The following FHIT variants were observed in gnomAD, a reference collection of about 807,000 sequenced individuals.
The protein encoded by FHIT is fragile histidine triad diadenosine triphosphatase, also known as bis(5'-adenosyl)-triphosphatase.
FHIT carries 19 observed loss-of-function variants against 17.9 expected under a neutral mutation model. The ratio of observed to expected loss-of-function variants is 1.06; its 90% CI spans 0.74 to 1.56. The LOEUF (loss-of-function observed/expected upper bound fraction) is 1.56. Among genes scored for constraint, FHIT ranks in the 40% most tolerant of loss-of-function variants. FHIT has a pLI of 0.00. For synonymous variants in FHIT, 81 were observed against 69.7 expected, an observed-to-expected ratio of 1.16 and a Z score of -0.81; for missense variants, 248 against 189.2, an observed-to-expected ratio of 1.31 and a Z score of -1.82.
chr3:61,023,225 A>G (rs1402601935), intron 3 of FHIT, among the ~76,000 whole-genome samples: 1 of 152,232 alleles, frequency 6.6e-6, no homozygotes, highest in African/African-American at 2.4e-5. Flanking sequence ...CCAAATTATG[A>G]GTGAACTCCC....
chr3:60,870,394 A>G (rs782090729), intron 3 of FHIT, among the ~76,000 whole-genome samples: 1 of 152,156 alleles, frequency 6.6e-6, no homozygotes, highest in African/African-American at 2.4e-5. Flanking sequence ...GGCAGTGGCC[A>G]TTTAAGCTCT....
intron 5 of FHIT, among the ~76,000 whole-genome samples, chr3:60,253,934 C>T (rs1361748377): frequency 6.6e-6 from 1 of 152,170 alleles, no homozygotes; most frequent in Non-Finnish European, 1.5e-5. Context: ...AATCTAATCT[C>T]AACTATTTCT....
intron 4 of FHIT, among the ~76,000 whole-genome samples, chr3:60,805,058 T>C (rs770081669): frequency 1.2e-4 from 18 of 152,238 alleles, no homozygotes; most frequent in Non-Finnish European, 2.4e-4. Flanking sequence ...GATGAAAGAA[T>C]TGCTCTGCAT....
chr3:60,387,002 C>T (rs984756935), intron 5 of FHIT, among the ~76,000 whole-genome samples: 1 of 147,816 alleles, frequency 6.8e-6, no homozygotes, highest in Non-Finnish European at 1.5e-5. Context: ...TCTGCCTTTG[C>T]CTAAGGAAAT....
At chr3:60,683,055 A>G (rs2040787586) in intron 4 of FHIT, among the ~76,000 whole-genome samples, 7 of 152,192 alleles carry the variant, frequency 4.6e-5, no homozygotes, top group Admixed American at 4.6e-4. Flanking sequence ...GATGTGACTG[A>G]ATTACTGTAA....
intron 7 of FHIT, among the ~76,000 whole-genome samples, chr3:59,957,966 T>A (rs1288693454): frequency 2.6e-5 from 4 of 152,220 alleles, no homozygotes; most frequent in Non-Finnish European, 5.9e-5. Context: ...AATCAACATG[T>A]CCTTGAACAC....
intron 5 of FHIT, among the ~76,000 whole-genome samples, chr3:60,494,471 A>G (rs973050235): frequency 7.0e-6 from 1 of 142,208 alleles, no homozygotes; most frequent in African/African-American, 3.1e-5. Flanking sequence ...TGTTACAAAC[A>G]ATCAAATTAT....
chr3:60,096,600 C>T (rs1338605001), intron 5 of FHIT, among the ~76,000 whole-genome samples: 7 of 152,166 alleles, frequency 4.6e-5, no homozygotes, highest in Non-Finnish European at 7.4e-5. Context: ...CTGCCTCCTA[C>T]TGTCCTCAGA....
At chr3:60,561,907 AAAGAG>A (rs939165525) in intron 4 of FHIT, among the ~76,000 whole-genome samples, 1 of 151,678 alleles carries the variant, frequency 6.6e-6, no homozygotes, top group Admixed American at 6.6e-5. Flanking sequence ...AAAAAAAAGA[AAAGAG>A]AGAGAAAGAG....
chr3:60,591,509 C>G (rs1199268122), intron 4 of FHIT, among the ~76,000 whole-genome samples: 1 of 152,056 alleles, frequency 6.6e-6, no homozygotes, highest in Admixed American at 6.6e-5. Flanking sequence ...AGCCACTAGG[C>G]TGTATAAATC....
chr3:61,020,526 T>C (rs549415828), intron 3 of FHIT, among the ~76,000 whole-genome samples: 75 of 152,176 alleles, frequency 4.9e-4, no homozygotes, highest in Non-Finnish European at 9.6e-4. Flanking sequence ...AAGCACTAAA[T>C]ATGAAAAGGA....
chr3:60,736,250 T>C (rs782036115), intron 4 of FHIT, among the ~76,000 whole-genome samples: 1 of 152,154 alleles, frequency 6.6e-6, no homozygotes, highest in East Asian at 1.9e-4. Flanking sequence ...AAGTTAAACA[T>C]AGAGTTACCG....
chr3:60,521,398 C>CCACCA (rs2035357698), intron 5 of FHIT, among the ~76,000 whole-genome samples: 1 of 152,072 alleles, frequency 6.6e-6, no homozygotes, highest in Non-Finnish European at 1.5e-5. Context: ...CAGGCGCCCG[C>CCACCA]CACCACACCC....
intron 5 of FHIT, among the ~76,000 whole-genome samples, chr3:60,218,310 C>G (rs1703793838): frequency 6.6e-6 from 1 of 152,026 alleles, no homozygotes; most frequent in Non-Finnish European, 1.5e-5. Flanking sequence ...ATGTAGGAAA[C>G]AAAGCTTTCA....
chr3:59,784,582 A>G (rs1422715432), intron 8 of FHIT, among the ~76,000 whole-genome samples: 1 of 152,240 alleles, frequency 6.6e-6, no homozygotes, highest in African/African-American at 2.4e-5. Flanking sequence ...AGGTAGGCAC[A>G]GAAGGTGGCT....
intron 9 of FHIT, chr3:59,751,796 G>C (rs1700920438): frequency 8.4e-6 from 2 of 237,478 alleles, no homozygotes; most frequent in Non-Finnish European, 1.6e-5. Flanking sequence ...GGGCGTGTTA[G>C]GGAGGCAGAG....
intron 5 of FHIT, among the ~76,000 whole-genome samples, chr3:60,126,492 AGC>A (rs1010946576): frequency 6.6e-6 from 1 of 152,210 alleles, no homozygotes; most frequent in Non-Finnish European, 1.5e-5. Context: ...CATAACAAAC[AGC>A]TACCGTTTAT....
chr3:60,967,972 G>A (rs1709830068), intron 3 of FHIT, among the ~76,000 whole-genome samples: 1 of 152,152 alleles, frequency 6.6e-6, no homozygotes, highest in Non-Finnish European at 1.5e-5. Flanking sequence ...GTGCCAATAT[G>A]CATGTGGAAT....
At chr3:61,120,534 A>T (rs1174627915) in intron 2 of FHIT, among the ~76,000 whole-genome samples, 1 of 152,162 alleles carries the variant, frequency 6.6e-6, no homozygotes, top group African/African-American at 2.4e-5. Context: ...CAGTCTCAGC[A>T]AGCTAACCCT....
Sources: gnomAD v4.1 joint callset for allele counts (sites outside exome capture counted in the v4.1 genomes callset) on GRCh38, gnomAD v4.1.1 for gene constraint, MANE v1.5 for transcripts, NCBI Gene and HGNC (gene_info 2026-07-23, HGNC 2026-07-21) for gene names.